SHE: variants seen among roughly 807,000 people sequenced by gnomAD.
SHE encodes the protein Src homology 2 domain containing E, also known as SH2 domain-containing adapter protein E.
In SHE, 11 loss-of-function variants were observed where a neutral mutation model predicts 49.8. That is an observed-to-expected ratio of 0.22 (90% CI 0.14 to 0.37). The LOEUF (loss-of-function observed/expected upper bound fraction) is 0.37, where lower values mean the gene tolerates loss of function less well. SHE is among the 10% of genes least tolerant of loss of function. The pLI is 1.00. For synonymous variants in SHE, 310 were observed against 278.1 expected (o/e 1.11, Z -1.14); for missense variants, 624 against 655.5 (o/e 0.95, Z 0.52).
chr1:154,484,146 A>G lies in SHE; in HGVS notation c.*3T>C. ...GAGGCCCAGGGCTTGCAGTGGCTGA[A>G]TCTTAGTGAAGCTTGCTGTGCACTG... On this transcript the variant is annotated 3_prime_UTR_variant, in exon 6 of 6. Coordinates refer to ENST00000304760, the MANE Select transcript of SHE (RefSeq NM_001010846.3). 1 of 1,611,672 alleles carries G rather than the reference A, an allele frequency of 6.2e-7. No homozygotes were observed. The highest frequency in any genetic ancestry group is 1.1e-5 in the South Asian group (1 of 90,996).
At chr1:154,485,807 G>T in intron 5 of SHE, 136 bp downstream of exon 5, 2 of 1,043,414 alleles carry the variant, frequency 1.9e-6, no homozygotes, top group Non-Finnish European at 2.8e-6. Context: ...ATGTTCCATT[G>T]TCCAAACAAA....
At chr1:154,496,100 G>A (rs896958273) in intron 2 of SHE, among the ~76,000 whole-genome samples, 41 of 152,178 alleles carry the variant, frequency 2.7e-4, no homozygotes, top group Non-Finnish European at 2.9e-5. Context: ...TCTAGCTTCC[G>A]ATAAACTCAC....
chr1:154,497,342 C>T (rs1180360069), intron 2 of SHE, among the ~76,000 whole-genome samples: 1 of 152,196 alleles, frequency 6.6e-6, no homozygotes, highest in Non-Finnish European at 1.5e-5. Flanking sequence ...CATGTGGGAC[C>T]AGTTACTCTT....
chr1:154,476,852 AT>A (rs1303247712), downstream of SHE, among the ~76,000 whole-genome samples: 1 of 152,218 alleles, frequency 6.6e-6, no homozygotes, highest in East Asian at 1.9e-4. Flanking sequence ...AAACCTGTTT[AT>A]TTATGCACAT....
Position 154,484,273 on chromosome 1 carries a change from T to C in SHE, c.1364A>G (p.Asn455Ser). The C allele has an allele frequency of 6.2e-7, 1 of 1,614,234 alleles. No individual in the cohort carries two copies. The highest frequency in any genetic ancestry group is 8.5e-7 in the Non-Finnish European group (1 of 1,180,038). ...AQTKDNKYTL[N>S]QTSAVFDSIP... ...GCTGTCAAACACAGCGCTTGTCTGA[T>C]TCAGTGTGTATTTGTTGTCTTTGGT... Residue 455 changes from asparagine to serine, a missense_variant, in exon 6 of 6, where the codon AAT (asparagine) becomes AGT (serine). By Grantham distance (46) the Asn-to-Ser change is conservative. This residue lies in a region of SHE where 125 missense variants were observed against 181.7 expected (regional missense o/e 0.69). Coordinates refer to ENST00000304760, the MANE Select transcript of SHE (RefSeq NM_001010846.3).
intron 2 of SHE, among the ~76,000 whole-genome samples, chr1:154,494,892 A>C (rs1417732048): frequency 6.6e-6 from 1 of 152,154 alleles, no homozygotes; most frequent in Non-Finnish European, 1.5e-5. Flanking sequence ...TCTCTACTAA[A>C]AATACGAAAA....
intron 2 of SHE, 101 bp from the exon 3 acceptor site, chr1:154,489,457 CCT>C: frequency 7.2e-7 from 1 of 1,383,116 alleles, no homozygotes; most frequent in East Asian, 2.3e-5. Context: ...TGCCTCAGCA[CCT>C]CTGTCTGTCT....
chr1:154,489,772 A>C (rs1023761358), intron 2 of SHE, among the ~76,000 whole-genome samples: 1 of 151,330 alleles, frequency 6.6e-6, no homozygotes, highest in Non-Finnish European at 1.5e-5. Flanking sequence ...AGATAAAAGA[A>C]TTGTAATAAA....
Position 154,501,403 on chromosome 1 carries a change from T to TG in SHE, c.591+32dup, listed in dbSNP as rs545933242. 6.1e-5 allele frequency: 98 copies of TG among 1,601,630 alleles called. 1 individual carries two copies. The South Asian group carries it at 9.9e-4, about 16-fold the overall frequency. On this transcript the variant is annotated intron_variant, in intron 1 of 5. Coordinates refer to ENST00000304760, the MANE Select transcript of SHE (RefSeq NM_001010846.3). ...CAGGCGCCCAGGGCTCCCCTTCGACTGAGAGGTGGTCCAAGGGAGGCTGTA... is the reference window on the plus strand; with the variant it reads ...CAGGCGCCCAGGGCTCCCCTTCGACTGGAGAGGTGGTCCAAGGGAGGCTGTA...
At position 154,489,087 on chromosome 1, in the gene SHE, C is replaced by T; in HGVS notation, c.988G>A (p.Glu330Lys). The T allele has an allele frequency of 1.9e-6, 3 of 1,607,678 alleles. No homozygotes were observed. The highest frequency in any genetic ancestry group is 2.6e-6 in the Non-Finnish European group (3 of 1,176,004). ...RPAAEYEQPWEWKKEQIVRAL... is the reference protein window; with the variant it reads ...RPAAEYEQPWKWKKEQIVRAL... ...CGCACGATCTGCTCCTTCTTCCACTCCCATGGCTGCTCGTACTCTGCCGCG... is the reference window on the plus strand; with the variant it reads ...CGCACGATCTGCTCCTTCTTCCACTTCCATGGCTGCTCGTACTCTGCCGCG... Residue 330 changes from glutamate to lysine, a missense_variant, in exon 3 of 6, where the codon GAG becomes AAG. Glu to Lys is a moderately conservative substitution (Grantham distance 56). Transcript: ENST00000304760.
At chr1:154,474,839 A>G (rs1691838891), downstream of SHE, among the ~76,000 whole-genome samples, 1 of 152,074 alleles carries the variant, frequency 6.6e-6, no homozygotes. Context: ...GCCTTATTAC[A>G]TCCACTCCCT....
chr1:154,483,925 G>A lies in SHE; in HGVS notation c.*224C>T, dbSNP rs140402258. 3.1e-4 allele frequency: 391 copies of A among 1,264,142 alleles called. 2 individuals carry two copies. In the African/African-American group the frequency reaches 4.8e-3, roughly 16 times the overall value. The allele number at this position is 1,264,142 out of a possible 1,614,324, so 78.3% of individuals were successfully genotyped here. On this transcript the variant is annotated 3_prime_UTR_variant, in exon 6 of 6. Coordinates refer to ENST00000304760, the MANE Select transcript of SHE (RefSeq NM_001010846.3). ...ATGGGGAAGAACTGCTTGAACCCAG[G>A]AGTCAGATGTTGCAGTGAGCCAAGA...
chr1:154,470,211 G>C (rs1428133223), exon 2 of SHE: 3 of 812,064 alleles, frequency 3.7e-6, no homozygotes, highest in Non-Finnish European at 5.3e-6. Context: ...CACCCAGGTG[G>C]CCAGGCTGCG....
chr1:154,496,169 A>G (rs1423312096), intron 2 of SHE, among the ~76,000 whole-genome samples: 2 of 152,186 alleles, frequency 1.3e-5, no homozygotes, highest in Admixed American at 6.5e-5. Flanking sequence ...GAGTCTCTAC[A>G]CTGATTGAGA....
chr1:154,499,188 C>T lies in SHE; in HGVS notation c.642G>A (p.Lys214=). ...CGACTCTCTCTGCATCCCTTTGACC[C>T]TTTGTCCGTTTGGCATCATAAGGGT... ...YADPYDAKRT[K]GQRDAERVGE... Residue 214 remains lysine (K), a synonymous_variant, in exon 2 of 6, where the codon AAG becomes AAA. Transcript: ENST00000304760. 2 of 1,614,142 alleles carry T rather than the reference C, an allele frequency of 1.2e-6. No individual in the cohort carries two copies. The highest frequency in any genetic ancestry group is 1.7e-6 in the Non-Finnish European group (2 of 1,180,016).
At position 154,489,298 on chromosome 1, in the gene SHE, A is replaced by T; in HGVS notation, c.777T>A (p.Ser259Arg). 1 of 1,614,166 alleles carries T rather than the reference A, an allele frequency of 6.2e-7. No homozygotes were observed. Among genetic ancestry groups the T allele is most frequent in the Non-Finnish European group, 8.5e-7 (1 of 1,180,016 alleles). The part of the protein sequence containing the change: ...PLVKALQLLD[S>R]PCEPADGGLK... ...GGCCACCGTCTGCGGGTTCACAGGG[A>T]CTGTCAAGCAGCTGGAGAGCCTTCA... Residue 259 changes from serine (S) to arginine (R), a missense_variant, in exon 3 of 6, where the codon AGT (serine) becomes AGA (arginine). Around this residue, in one of 4 missense-constraint regions of SHE, gnomAD observed 155 missense variants for 142.0 expected, o/e 1.09. Coordinates refer to ENST00000304760, the MANE Select transcript of SHE (RefSeq NM_001010846.3).
At position 154,480,402 on chromosome 1, in the gene SHE, G is replaced by A; in HGVS notation, c.*3747C>T. On this transcript the variant is annotated 3_prime_UTR_variant, in exon 6 of 6. Coordinates refer to ENST00000304760, the MANE Select transcript of SHE (RefSeq NM_001010846.3). ...TAACCCCACTTAACCCGCAACTGAA[G>A]AATGCCTCACAGTTATTCTTCTGAA... 1.0e-6 allele frequency: 1 copy of A among 985,412 alleles called. No individual in the cohort carries two copies. The allele number at this position is 985,412 out of a possible 1,614,324, so 61.0% of individuals were successfully genotyped here. A position where few individuals can be genotyped will look rare whatever the true frequency, so the allele number is the denominator to read the frequency against.
chr1:154,484,262 C>T lies in SHE; in HGVS notation c.1375G>A (p.Ala459Thr), dbSNP rs372181711. Residue 459 changes from alanine (A) to threonine (T), a missense_variant, in exon 6 of 6, where the codon GCT (alanine) becomes ACT (threonine). Transcript: ENST00000304760. ...DNKYTLNQTS[A>T]VFDSIPEVVH... ...ACTTCAGGGATGCTGTCAAACACAGCGCTTGTCTGATTCAGTGTGTATTTG... is the reference window on the plus strand; with the variant it reads ...ACTTCAGGGATGCTGTCAAACACAGTGCTTGTCTGATTCAGTGTGTATTTG... 6.2e-6 allele frequency: 10 copies of T among 1,614,156 alleles called. No individual in the cohort carries two copies. The highest frequency in any genetic ancestry group is 4.5e-5 in the East Asian group (2 of 44,884).
intron 1 of SHE, among the ~76,000 whole-genome samples, chr1:154,472,220 G>A (rs911797228): frequency 6.6e-6 from 1 of 152,208 alleles, no homozygotes; most frequent in Non-Finnish European, 1.5e-5. Flanking sequence ...AAATGATGGA[G>A]AGAGGTACGG....
Sources: gnomAD v4.1 joint callset for allele counts (sites outside exome capture counted in the v4.1 genomes callset) on GRCh38, gnomAD v4.1.1 for gene constraint, gnomAD v4.1.1 regional missense constraint, MANE v1.5 for transcripts, NCBI Gene and HGNC (gene_info 2026-07-23, HGNC 2026-07-21) for gene names.